Variants in SPACA6 observed in about 807,000 individuals in gnomAD.
SPACA6 encodes the protein sperm acrosome membrane-associated protein 6.
For synonymous variants in SPACA6, 6 were observed against 1.5 expected (o/e 4.05, Z -2.21); for missense variants, 8 against 2.8 (o/e 2.88, Z -1.34).
At chr19:51,702,399 A>G (rs56720219) in intron 3 of SPACA6, 24,928 of 376,134 alleles carry the variant, frequency 0.066, 1,045 homozygotes, top group South Asian at 0.13. Context: ...TCTAAACCCC[A>G]AGTAGAAGGC....
downstream of SPACA6, among the ~76,000 whole-genome samples, chr19:51,706,281 A>G (rs2083515372): frequency 6.6e-6 from 1 of 151,992 alleles, no homozygotes; most frequent in Non-Finnish European, 1.5e-5. Context: ...GCCTAGAATA[A>G]TATTTTCTCC....
At chr19:51,705,301 CT>C (rs2083510225), downstream of SPACA6, 1 of 390,436 alleles carries the variant, frequency 2.6e-6, no homozygotes, top group African/African-American at 2.1e-5. Context: ...ATAGGCATAG[CT>C]ATCCCAGTGC....
At chr19:51,691,960 G>A (rs562185478), upstream of SPACA6, among the ~76,000 whole-genome samples, 1 of 152,200 alleles carries the variant, frequency 6.6e-6, no homozygotes, top group Non-Finnish European at 1.5e-5. Flanking sequence ...GCCAAATGGG[G>A]ATGCTGAGGG....
chr19:51,686,591 G>A (rs1164916927), upstream of SPACA6: 1 of 151,288 alleles, frequency 6.6e-6, no homozygotes, highest in Admixed American at 6.6e-5. Context: ...AAGTTTAAAT[G>A]TACCCAGTGT....
upstream of SPACA6, among the ~76,000 whole-genome samples, chr19:51,690,215 C>G (rs957528315): frequency 4.0e-5 from 6 of 151,504 alleles, no homozygotes; most frequent in African/African-American, 1.2e-4. Context: ...AGAATCCGAG[C>G]CCCCAGCCCC....
chr19:51,688,902 GGA>G (rs138147326), upstream of SPACA6, among the ~76,000 whole-genome samples: 13 of 70,836 alleles, frequency 1.8e-4, no homozygotes, highest in South Asian at 4.9e-4. Flanking sequence ...AGGGAAAGAG[GGA>G]GAGAGAGAGA....
At chr19:51,710,628 G>T (rs1231378371) in intron 2 of SPACA6, among the ~76,000 whole-genome samples, 1 of 152,174 alleles carries the variant, frequency 6.6e-6, no homozygotes, top group Non-Finnish European at 1.5e-5. Context: ...CTGAAGATCT[G>T]TTTGGGAGTC....
intron 2 of SPACA6, among the ~76,000 whole-genome samples, chr19:51,698,506 T>G (rs1049902599): frequency 1.3e-5 from 2 of 152,108 alleles, no homozygotes; most frequent in African/African-American, 4.8e-5. Context: ...TTTGGATGAC[T>G]CCTCCAACAT....
chr19:51,698,586 C>A (rs1436989823), intron 2 of SPACA6, among the ~76,000 whole-genome samples: 1 of 152,218 alleles, frequency 6.6e-6, no homozygotes, highest in Non-Finnish European at 1.5e-5. Flanking sequence ...TGAGACCACA[C>A]TCCTGCTCTG....
chr19:51,685,125 C>T (rs894123948), upstream of SPACA6, among the ~76,000 whole-genome samples: 1 of 152,190 alleles, frequency 6.6e-6, no homozygotes, highest in Non-Finnish European at 1.5e-5. Context: ...CTCCTGTCTA[C>T]CAGTTCCTGT....
intron 2 of SPACA6, among the ~76,000 whole-genome samples, chr19:51,695,138 C>T (rs114468919): frequency 0.019 from 2,832 of 152,074 alleles, 64 homozygotes; most frequent in African/African-American, 0.063. Flanking sequence ...AATTAGAGGG[C>T]GGGAAAACAG....
intron 1 of SPACA6, 199 bp from the exon 2 acceptor site, chr19:51,694,279 G>C (rs897821484): frequency 2.6e-6 from 1 of 390,828 alleles, no homozygotes; most frequent in African/African-American, 2.1e-5. Flanking sequence ...GCAGGATAGC[G>C]ACTGGTCGGG....
chr19:51,692,561 C>T, upstream of SPACA6: 1 of 501,628 alleles, frequency 2.0e-6, no homozygotes, highest in Non-Finnish European at 4.0e-6. The surrounding 1 kb of genome is among the most constrained non-coding windows in gnomAD (Gnocchi z 5.6). Context: ...AGGGCCTGGA[C>T]TCCTGGGTTC....
rs771219095 is a variant in SPACA6 at position 51,693,342 on chromosome 19, A to G, written c.-185A>G. 1.1e-5 allele frequency: 8 copies of G among 746,250 alleles called. No individual in the cohort carries two copies. Among genetic ancestry groups the G allele is most frequent in the East Asian group, 2.5e-5 (1 of 40,212 alleles). 46.2% of individuals were successfully genotyped at this position (746,250 alleles called of 1,614,324 possible). On this transcript the variant is annotated 5_prime_UTR_variant, in exon 1 of 9. Coordinates refer to ENST00000637797, the MANE Select transcript of SPACA6 (RefSeq NM_001316972.2). ...TCTTGGGAGCCTGGCGTCTGGCCCA[A>G]CCACACACCTGGGGAATTGCTGGCC... is the stretch of plus-strand genomic sequence containing the variant.
intron 8 of SPACA6, 170 bp from the exon 9 acceptor site, chr19:51,704,920 C>A: frequency 2.6e-6 from 1 of 386,778 alleles, no homozygotes. Flanking sequence ...GTCCAGACCC[C>A]CAAGTTTCTC....
intron 2 of SPACA6, among the ~76,000 whole-genome samples, chr19:51,697,266 C>T (rs1262120642): frequency 6.6e-6 from 1 of 152,136 alleles, no homozygotes; most frequent in Non-Finnish European, 1.5e-5. Context: ...CAAGATCTCT[C>T]TGGCAGCTGT....
intron 2 of SPACA6, among the ~76,000 whole-genome samples, chr19:51,697,173 A>C (rs750411710): frequency 6.6e-6 from 1 of 152,118 alleles, no homozygotes; most frequent in Non-Finnish European, 1.5e-5. Flanking sequence ...AGGCCCTTGG[A>C]ATGACTTTTG....
intron 8 of SPACA6, 59 bp downstream of exon 8, chr19:51,704,539 C>G (rs1222714693): frequency 2.5e-6 from 1 of 400,798 alleles, no homozygotes; most frequent in Non-Finnish European, 4.4e-6. Context: ...CAGATCCCAC[C>G]GAGAAGTCTG....
At chr19:51,709,723 T>C (rs2083533544), downstream of SPACA6, among the ~76,000 whole-genome samples, 1 of 151,844 alleles carries the variant, frequency 6.6e-6, no homozygotes, top group Non-Finnish European at 1.5e-5. Flanking sequence ...ACTGTGTGGC[T>C]AACAGACTGG....
Sources: gnomAD v4.1 joint callset for allele counts (sites outside exome capture counted in the v4.1 genomes callset) on GRCh38, gnomAD v4.1.1 for gene constraint, Gnocchi (gnomAD v3.1) non-coding constraint, MANE v1.5 for transcripts, NCBI Gene and HGNC (gene_info 2026-07-23, HGNC 2026-07-21) for gene names.